SCHIP1: variants seen among roughly 807,000 people sequenced by gnomAD.
SCHIP1 encodes the protein schwannomin interacting protein 1, also known as schwannomin-interacting protein 1.
In SCHIP1, 8 loss-of-function variants were observed where a neutral mutation model predicts 29.7. The ratio of observed to expected loss-of-function variants is 0.27; its 90% CI spans 0.16 to 0.49. The LOEUF (loss-of-function observed/expected upper bound fraction) is 0.49, where lower values mean the gene tolerates loss of function less well. Among genes scored for constraint, SCHIP1 ranks in the 20% least tolerant of loss-of-function variants. The pLI, the probability that SCHIP1 is intolerant of heterozygous loss-of-function variation, is 0.99. For synonymous variants in SCHIP1, 76 were observed against 94.9 expected (o/e 0.80, Z 1.16); for missense variants, 193 against 294.6 (o/e 0.66, Z 2.52).
At chr3:159,325,645 T>G in the SCHIP1 span, among the ~76,000 whole-genome samples, 2 of 152,128 alleles carry the variant, frequency 1.3e-5, no homozygotes, top group Non-Finnish European at 2.9e-5. Flanking sequence ...ACTCATTATT[T>G]CTTCCTTTTC....
chr3:159,886,074 A>C, intron 2 of SCHIP1, 133 bp from the exon 4 acceptor site: 1 of 805,196 alleles, frequency 1.2e-6, no homozygotes, highest in South Asian at 1.7e-5. Flanking sequence ...GTGGAGAGTA[A>C]TATTGGTTGC....
At chr3:159,348,796 GAGCTATGCAAT>G in the SCHIP1 span, among the ~76,000 whole-genome samples, 3 of 152,052 alleles carry the variant, frequency 2.0e-5, no homozygotes, top group Admixed American at 2.0e-4. Flanking sequence ...ATAAGCAAAG[GAGCTATGCAAT>G]TGCAAGGAAA....
the SCHIP1 span, among the ~76,000 whole-genome samples, chr3:159,635,455 G>A: frequency 2.6e-5 from 4 of 152,172 alleles, no homozygotes; most frequent in Non-Finnish European, 5.9e-5. Context: ...CAGTATCTAT[G>A]CATAGTGAAA....
At chr3:159,345,307 A>T in the SCHIP1 span, among the ~76,000 whole-genome samples, 13,201 of 152,084 alleles carry the variant, frequency 0.087, 799 homozygotes, top group Non-Finnish European at 0.13. Context: ...AGAAAAAAAA[A>T]TTTTTAAGAA....
chr3:159,598,780 A>G, the SCHIP1 span, among the ~76,000 whole-genome samples: 1 of 152,196 alleles, frequency 6.6e-6, no homozygotes, highest in South Asian at 2.1e-4. Flanking sequence ...CCAGAATCAC[A>G]GCAGATTCAG....
At chr3:159,788,648 C>A in the SCHIP1 span, among the ~76,000 whole-genome samples, 14 of 151,494 alleles carry the variant, frequency 9.2e-5, no homozygotes, top group East Asian at 2.7e-3. Context: ...CACCACACTT[C>A]ATTCATTCAC....
rs752180010 is a variant in SCHIP1 at position 159,866,292 on chromosome 3, T to C, written c.149+11T>C. 5.6e-6 allele frequency: 9 copies of C among 1,611,262 alleles called. No homozygotes were observed. Among genetic ancestry groups the C allele is most frequent in the Non-Finnish European group, 7.6e-6 (9 of 1,177,836 alleles). On this transcript the variant is annotated intron_variant, in intron 2 of 6. Coordinates refer to ENST00000445224, the Ensembl canonical transcript of SCHIP1. ...AAGCCTTTCCTCCCGGTGAGTGTTC[T>C]TTTGAGTTGAATTTCTGATATGTAC...
chr3:159,563,738 T>A, the SCHIP1 span, among the ~76,000 whole-genome samples: 1 of 151,918 alleles, frequency 6.6e-6, no homozygotes, highest in Admixed American at 6.6e-5. Context: ...GGCAACAGAA[T>A]CACTTTAGCC....
At chr3:159,385,280 G>T in the SCHIP1 span, among the ~76,000 whole-genome samples, 2 of 152,116 alleles carry the variant, frequency 1.3e-5, no homozygotes, top group South Asian at 4.1e-4. Flanking sequence ...TTGAACAACC[G>T]CACATGATGG....
chr3:159,625,335 C>T, the SCHIP1 span, among the ~76,000 whole-genome samples: 18 of 152,118 alleles, frequency 1.2e-4, no homozygotes, highest in Non-Finnish European at 4.4e-5. Flanking sequence ...ACAGCCCACA[C>T]ATAATAAGTG....
chr3:159,434,123 G>A, the SCHIP1 span, among the ~76,000 whole-genome samples: 1 of 152,136 alleles, frequency 6.6e-6, no homozygotes, highest in African/African-American at 2.4e-5. Flanking sequence ...AATGTTTGTG[G>A]ATATAGTGAT....
At chr3:159,508,595 G>A in the SCHIP1 span, among the ~76,000 whole-genome samples, 7 of 152,160 alleles carry the variant, frequency 4.6e-5, no homozygotes, top group African/African-American at 1.7e-4. Flanking sequence ...GCTTTCTCTT[G>A]TGGGCACTTA....
chr3:159,579,075 A>AATGGAGTCAGGAAT, the SCHIP1 span, among the ~76,000 whole-genome samples: 1 of 152,188 alleles, frequency 6.6e-6, no homozygotes. Context: ...TCACTATACA[A>AATGGAGTCAGGAAT]ATGGAGTCAG....
the SCHIP1 span, among the ~76,000 whole-genome samples, chr3:159,684,044 A>T: frequency 6.6e-6 from 1 of 152,256 alleles, no homozygotes; most frequent in East Asian, 1.9e-4. Context: ...ACTCTTAGAG[A>T]TAACAAAGGG....
the SCHIP1 span, among the ~76,000 whole-genome samples, chr3:159,681,983 A>T: frequency 1.3e-5 from 2 of 152,192 alleles, no homozygotes; most frequent in African/African-American, 2.4e-5. Context: ...AACTCAACTT[A>T]ACTTGGATTA....
chr3:159,409,438 T>C, the SCHIP1 span, among the ~76,000 whole-genome samples: 1 of 152,100 alleles, frequency 6.6e-6, no homozygotes, highest in Non-Finnish European at 1.5e-5. Context: ...TTAGTAAAAT[T>C]GCAGGATACA....
chr3:159,416,051 C>A, the SCHIP1 span, among the ~76,000 whole-genome samples: 1 of 152,140 alleles, frequency 6.6e-6, no homozygotes, highest in African/African-American at 2.4e-5. Flanking sequence ...CTGATGGCCT[C>A]CAGGATTTCG....
chr3:159,459,062 G>T, the SCHIP1 span, among the ~76,000 whole-genome samples: 2 of 152,084 alleles, frequency 1.3e-5, no homozygotes, highest in African/African-American at 4.8e-5. Context: ...TATATTTGAT[G>T]ATTCAAAGAA....
the SCHIP1 span, among the ~76,000 whole-genome samples, chr3:159,785,413 A>G: frequency 6.6e-6 from 1 of 152,210 alleles, no homozygotes. Flanking sequence ...TATTAAAGAC[A>G]TGTTATCGGG....
Sources: allele counts gnomAD v4.1 joint callset (sites outside exome capture counted in the v4.1 genomes callset), GRCh38; gene constraint gnomAD v4.1.1; transcripts MANE v1.5; gene names NCBI Gene and HGNC (gene_info 2026-07-23, HGNC 2026-07-21).